Variants in SMYD3 observed in about 807,000 individuals in gnomAD.
SMYD3 encodes the protein SET and MYND domain containing 3.
In SMYD3, 36 loss-of-function variants were observed where a neutral mutation model predicts 57.7. The observed-to-expected ratio is 0.62, with a 90% confidence interval of 0.48 to 0.82. The LOEUF is 0.82. Ranked by LOEUF, SMYD3 falls within the 40% of genes least tolerant of loss-of-function variation. The pLI is 0.00. For missense variants in SMYD3, 515 were observed against 538.8 expected (o/e 0.96, Z 0.44); for synonymous variants, 211 against 195.0 (o/e 1.08, Z -0.68).
intron 5 of SMYD3, among the ~76,000 whole-genome samples, chr1:246,296,981 G>C (rs1395540691): frequency 6.6e-6 from 1 of 152,148 alleles, no homozygotes; most frequent in South Asian, 2.1e-4. Flanking sequence ...AAACTCATGA[G>C]TGATAGAGAT....
chr1:246,287,895 C>A (rs73142851), intron 5 of SMYD3, among the ~76,000 whole-genome samples: 6,066 of 152,006 alleles, frequency 0.04, 412 homozygotes, highest in African/African-American at 0.14. Context: ...GGGCTGAAAA[C>A]GGAATGAGAA....
chr1:245,751,548 G>GAGAC (rs1553312457), intron 11 of SMYD3, among the ~76,000 whole-genome samples: 2 of 149,370 alleles, frequency 1.3e-5, no homozygotes, highest in African/African-American at 4.9e-5. Context: ...GAGAAAGAGA[G>GAGAC]AGAGAGACAG....
At chr1:246,184,119 C>G (rs959483905) in intron 5 of SMYD3, among the ~76,000 whole-genome samples, 1 of 152,076 alleles carries the variant, frequency 6.6e-6, no homozygotes, top group Admixed American at 6.5e-5. Context: ...GGCAGTATTC[C>G]CATGAGCACC....
chr1:246,068,145 G>A (rs1468369057), intron 5 of SMYD3, among the ~76,000 whole-genome samples: 1 of 152,158 alleles, frequency 6.6e-6, no homozygotes, highest in Non-Finnish European at 1.5e-5. Context: ...GGTATGTTTG[G>A]AGGAAGGAGC....
chr1:245,861,477 T>C (rs2051543907), intron 9 of SMYD3, among the ~76,000 whole-genome samples: 3 of 152,250 alleles, frequency 2.0e-5, no homozygotes, highest in Non-Finnish European at 4.4e-5. Context: ...ACAGAGCTTT[T>C]ATTCACTTAA....
chr1:245,895,708 G>C (rs557982069), intron 8 of SMYD3, among the ~76,000 whole-genome samples: 58 of 152,192 alleles, frequency 3.8e-4, no homozygotes, highest in African/African-American at 1.4e-3. Context: ...CGGTTTTCAC[G>C]GTTTACAGGG....
At chr1:245,832,235 A>G (rs2049877984) in intron 10 of SMYD3, among the ~76,000 whole-genome samples, 1 of 152,214 alleles carries the variant, frequency 6.6e-6, no homozygotes, top group Admixed American at 6.5e-5. Context: ...TCAATAAAAG[A>G]TGTCTGCCTA....
chr1:245,852,093 T>G (rs1378601846), intron 10 of SMYD3, among the ~76,000 whole-genome samples: 3 of 152,234 alleles, frequency 2.0e-5, no homozygotes. Context: ...TAAGCCTGTC[T>G]GCTGTCATCC....
chr1:246,047,820 C>T (rs114829976), intron 5 of SMYD3, among the ~76,000 whole-genome samples: 2,196 of 148,522 alleles, frequency 0.015, 32 homozygotes, highest in South Asian at 0.035. Flanking sequence ...AGCCTGGCAA[C>T]AGAGTGAGAC....
intron 5 of SMYD3, among the ~76,000 whole-genome samples, chr1:245,952,076 T>A (rs1406720020): frequency 7.2e-5 from 11 of 151,964 alleles, no homozygotes; most frequent in Admixed American, 2.0e-4. Context: ...GGAAAAAAAA[T>A]GTTATCAATG....
At chr1:246,066,192 T>C (rs754484837) in intron 5 of SMYD3, among the ~76,000 whole-genome samples, 2 of 152,164 alleles carry the variant, frequency 1.3e-5, no homozygotes, top group Non-Finnish European at 2.9e-5. Flanking sequence ...ATGAATTCAT[T>C]ACAGATTTGA....
At chr1:245,832,271 C>G (rs554749786) in intron 10 of SMYD3, among the ~76,000 whole-genome samples, 1 of 152,332 alleles carries the variant, frequency 6.6e-6, no homozygotes, top group East Asian at 1.9e-4. Flanking sequence ...AATTTAATGG[C>G]TGCAACCCTG....
chr1:245,930,223 C>A, intron 5 of SMYD3: 1 of 470,566 alleles, frequency 2.1e-6, no homozygotes. Flanking sequence ...TCTCATTATC[C>A]ACTACCCCAA....
Position 246,031,669 on chromosome 1 carries a change from G to A in SMYD3, c.532-101732C>T, listed in dbSNP as rs188647822. ...GGAGAATCGCTTGAACCAGGGAGGCGGAGGATGCAGTGAGCAGAGATCGCG... is the reference window on the plus strand; with the variant it reads ...GGAGAATCGCTTGAACCAGGGAGGCAGAGGATGCAGTGAGCAGAGATCGCG... On this transcript the variant is annotated intron_variant, in intron 5 of 11. Transcript: ENST00000490107. Among the ~76,000 whole-genome samples the A allele has an allele frequency of 7.3e-4, 111 of 151,318 alleles. 2 individuals carry two copies. The East Asian group carries it at 0.018, about 25-fold the overall frequency.
intron 8 of SMYD3, among the ~76,000 whole-genome samples, chr1:245,890,728 G>A (rs1179678918): frequency 3.3e-5 from 5 of 152,172 alleles, no homozygotes; most frequent in South Asian, 4.1e-4. Context: ...AGGTATATAC[G>A]CAAATGAAAG....
At chr1:245,899,794 G>A (rs1434168565) in intron 8 of SMYD3, among the ~76,000 whole-genome samples, 3 of 152,152 alleles carry the variant, frequency 2.0e-5, no homozygotes, top group African/African-American at 7.2e-5. Context: ...CTAACCAGCT[G>A]AAGGCCTGAG....
chr1:245,915,792 C>A (rs1002203359), intron 7 of SMYD3, 152 bp from the exon 8 acceptor site: 10 of 523,834 alleles, frequency 1.9e-5, no homozygotes, highest in African/African-American at 1.5e-4. Context: ...AGTTTCTCTA[C>A]CCAAATGATC....
intron 5 of SMYD3, among the ~76,000 whole-genome samples, chr1:246,010,353 C>G (rs768092874): frequency 2.3e-4 from 35 of 152,220 alleles, no homozygotes; most frequent in Admixed American, 7.8e-4. Flanking sequence ...GACCTCACAC[C>G]AGAGATGAAG....
chr1:246,035,845 G>A (rs9659076), intron 5 of SMYD3, among the ~76,000 whole-genome samples: 69,736 of 151,582 alleles, frequency 0.46, 18,203 homozygotes, highest in East Asian at 0.95. Flanking sequence ...TGATTGTCCA[G>A]GTGTTTACTT....
Sources: gnomAD v4.1 joint callset for allele counts (sites outside exome capture counted in the v4.1 genomes callset) on GRCh38, gnomAD v4.1.1 for gene constraint, MANE v1.5 for transcripts, NCBI Gene and HGNC (gene_info 2026-07-23, HGNC 2026-07-21) for gene names.